The following FREM3 variants were observed in gnomAD, a reference collection of about 807,000 sequenced individuals.
FREM3 encodes the protein FRAS1 related extracellular matrix 3.
FREM3 carries 105 observed loss-of-function variants against 129.1 expected under a neutral mutation model. That is an observed-to-expected ratio of 0.81 (90% CI 0.69 to 0.96). The LOEUF is 0.96. FREM3 is among the 40% of genes least tolerant of loss of function. The pLI is 0.00. For synonymous variants in FREM3, 1,014 were observed against 1,044.9 expected (o/e 0.97, Z 0.57); for missense variants, 2,593 against 2,666.3 (o/e 0.97, Z 0.61).
At chr4:143,664,012 T>G (rs1305213878) in intron 2 of FREM3, among the ~76,000 whole-genome samples, 1 of 152,138 alleles carries the variant, frequency 6.6e-6, no homozygotes, top group Non-Finnish European at 1.5e-5. Context: ...GTTTTCAACT[T>G]CTTTGCCTTC....
At chr4:143,623,068 A>G (rs901881709) in intron 4 of FREM3, among the ~76,000 whole-genome samples, 4 of 152,208 alleles carry the variant, frequency 2.6e-5, no homozygotes, top group Non-Finnish European at 5.9e-5. Flanking sequence ...TACTTCTCAA[A>G]TTATGTTTTA....
At chr4:143,688,745 G>T (rs942356657) in intron 2 of FREM3, among the ~76,000 whole-genome samples, 1 of 152,034 alleles carries the variant, frequency 6.6e-6, no homozygotes, top group Non-Finnish European at 1.5e-5. Context: ...ACTGATCTTC[G>T]ACAAGGCAAA....
At position 143,585,753 on chromosome 4, in the gene FREM3, A is replaced by T. The variant is rs760712559; in HGVS notation, c.6178+91T>A. ...AGAAACTTTCATTCAGAGTCCATCAACAAAGACTAAGCATGCTTACACTTA... is the reference window on the plus strand; with the variant it reads ...AGAAACTTTCATTCAGAGTCCATCATCAAAGACTAAGCATGCTTACACTTA... On this transcript the variant is annotated intron_variant, in intron 7 of 7. Coordinates refer to ENST00000329798, the MANE Select transcript of FREM3 (RefSeq NM_001168235.2). The surrounding 1 kb of genome is among the most constrained non-coding windows in gnomAD (Gnocchi z 4.2). 4 of 1,314,280 alleles carry T rather than the reference A, an allele frequency of 3.0e-6. No homozygotes were observed. Among genetic ancestry groups the T allele is most frequent in the Non-Finnish European group, 3.1e-6 (3 of 975,850 alleles). 81.4% of individuals were successfully genotyped at this position (1,314,280 alleles called of 1,614,324 possible).
At chr4:143,695,382 C>A in intron 1 of FREM3, 109 bp downstream of exon 1, 2 of 959,996 alleles carry the variant, frequency 2.1e-6, no homozygotes, top group South Asian at 1.9e-5. Context: ...TTTATTAGAA[C>A]AAGAATCTTA....
intron 2 of FREM3, among the ~76,000 whole-genome samples, chr4:143,680,499 C>A (rs1020136370): frequency 6.6e-6 from 1 of 151,986 alleles, no homozygotes; most frequent in Non-Finnish European, 1.5e-5. Flanking sequence ...AGAAATATGT[C>A]GGGCATTTTG....
At chr4:143,645,578 T>C (rs1223743267) in intron 2 of FREM3, among the ~76,000 whole-genome samples, 2 of 152,202 alleles carry the variant, frequency 1.3e-5, no homozygotes, top group African/African-American at 4.8e-5. Context: ...GACTGAAACA[T>C]AGAAACCCTG....
At chr4:143,588,498 G>T (rs976892796) in intron 6 of FREM3, among the ~76,000 whole-genome samples, 5 of 151,630 alleles carry the variant, frequency 3.3e-5, no homozygotes, top group Non-Finnish European at 2.9e-5. Flanking sequence ...GCAGTGTTTG[G>T]TTTTTTCTCC....
At chr4:143,622,268 G>A (rs1010953147) in intron 4 of FREM3, among the ~76,000 whole-genome samples, 7 of 151,378 alleles carry the variant, frequency 4.6e-5, no homozygotes, top group Non-Finnish European at 8.8e-5. Flanking sequence ...TAAATTTTGT[G>A]TTTTTAGTTG....
rs918868829 is a variant in FREM3 at position 143,698,305 on chromosome 4, G to A, written c.2371C>T (p.Gln791Ter). ...NQHKVAYQPPQKLGIAPRVVQ... is the reference protein window; with the variant it reads ...NQHKVAYQPP ...ACCCGTGGTGCAATACCCAATTTCTGTGGAGGCTGGTAGGCAACTTTATGC... is the reference window on the plus strand; with the variant it reads ...ACCCGTGGTGCAATACCCAATTTCTATGGAGGCTGGTAGGCAACTTTATGC... Residue 791 changes from glutamine (Q) to a stop codon, truncating the protein, a stop_gained, in exon 1 of 8, where the codon CAG (glutamine) becomes TAG (stop). Transcript: ENST00000329798. LOFTEE classifies it high-confidence loss of function. The A allele has an allele frequency of 2.6e-6, 4 of 1,537,638 alleles. No individual in the cohort carries two copies. The African/African-American group carries it at 5.5e-5, about 21-fold the overall frequency.
At chr4:143,606,343 G>A (rs1381173462) in intron 6 of FREM3, among the ~76,000 whole-genome samples, 1 of 151,556 alleles carries the variant, frequency 6.6e-6, no homozygotes, top group African/African-American at 2.4e-5. Context: ...TGGTACCTGT[G>A]AGATTACTAT....
intron 2 of FREM3, among the ~76,000 whole-genome samples, chr4:143,664,361 G>T (rs943966575): frequency 5.3e-5 from 8 of 152,148 alleles, no homozygotes; most frequent in Non-Finnish European, 7.4e-5. Context: ...TCCAGACCCT[G>T]TTTGCCTAGG....
Position 143,696,222 on chromosome 4 carries a change from G to C in FREM3, c.4454C>G (p.Ser1485Cys). 6.5e-7 allele frequency: 1 copy of C among 1,537,832 alleles called. No individual in the cohort carries two copies. The highest frequency in any genetic ancestry group is 8.7e-7 in the Non-Finnish European group (1 of 1,147,054). Reference sequence around the variant, plus strand: ...GCTAGCCAATTGAAGTTGAGTGAAAGAGGCAATGGGTTCCCCAGCATAGTC... The same window carrying C: ...GCTAGCCAATTGAAGTTGAGTGAAACAGGCAATGGGTTCCCCAGCATAGTC... ...SSDYAGEPIA[S>C]FTQLQLASNK... The change falls in exon 1 of 8, where the codon TCT becomes TGT. Residue 1485 changes from serine (S) to cysteine (C), a missense_variant. Ser to Cys is a moderately radical substitution (Grantham distance 112, BLOSUM62 -1). Transcript: ENST00000329798.
At chr4:143,645,603 C>A (rs1739399733) in intron 2 of FREM3, among the ~76,000 whole-genome samples, 1 of 152,206 alleles carries the variant, frequency 6.6e-6, no homozygotes, top group African/African-American at 2.4e-5. Context: ...ACTTTCCTGC[C>A]TGCTGGCTTG....
In FREM3 at chr4:143,663,082, C is replaced by A. The variant is rs561583933; in HGVS notation, c.5275+30031G>T. On this transcript the variant is annotated intron_variant, in intron 2 of 7. Coordinates refer to ENST00000329798, the MANE Select transcript of FREM3 (RefSeq NM_001168235.2). ...TTAATTGGAGCATTTAGTCCATTTACATTTAAAGTTAATATTGTTATGTCT... is the reference window on the plus strand; with the variant it reads ...TTAATTGGAGCATTTAGTCCATTTAAATTTAAAGTTAATATTGTTATGTCT... Among the ~76,000 whole-genome samples, 36 of 152,178 alleles carry A rather than the reference C, an allele frequency of 2.4e-4. No homozygotes were observed. The South Asian group carries it at 2.9e-3, about 12-fold the overall frequency.
chr4:143,613,354 C>T (rs1738793848), intron 5 of FREM3, among the ~76,000 whole-genome samples: 1 of 152,102 alleles, frequency 6.6e-6, no homozygotes, highest in Non-Finnish European at 1.5e-5. Context: ...TGCTTTGAAA[C>T]CTTATTATCT....
In FREM3 at chr4:143,693,126, A is replaced by G. The variant is rs1396154936; in HGVS notation, c.5262T>C (p.Ser1754=). 1.3e-5 allele frequency: 19 copies of G among 1,498,732 alleles called. No individual in the cohort carries two copies. The highest frequency in any genetic ancestry group is 1.7e-5 in the Non-Finnish European group (19 of 1,119,012). 92.8% of individuals were successfully genotyped at this position (1,498,732 alleles called of 1,614,324 possible). A position where few individuals can be genotyped will look rare whatever the true frequency, so the allele number is the denominator to read the frequency against. ...ATTATGACTTACCATTGTCTTCAAC[A>G]GAGAAATAGAAGATGTCCTTTGATG... ...SNASKDIFYF[S]VEDNGGNKLT... is the part of the protein sequence containing the mutation. The change falls in exon 2 of 8, where the codon TCT becomes TCC. Residue 1754 remains serine, a synonymous_variant. Transcript: ENST00000329798.
chr4:143,678,745 C>T (rs1365484860), intron 2 of FREM3, among the ~76,000 whole-genome samples: 2 of 151,940 alleles, frequency 1.3e-5, no homozygotes, highest in Non-Finnish European at 2.9e-5. Context: ...AGAAAAATGC[C>T]TTTTATTAGA....
chr4:143,676,922 G>T (rs1195479511), intron 2 of FREM3, among the ~76,000 whole-genome samples: 2 of 152,244 alleles, frequency 1.3e-5, no homozygotes, highest in East Asian at 3.9e-4. Flanking sequence ...AACATTCCAT[G>T]GTCATGAATA....
chr4:143,665,992 C>A (rs992720533), intron 2 of FREM3, among the ~76,000 whole-genome samples: 2 of 152,096 alleles, frequency 1.3e-5, no homozygotes, highest in African/African-American at 4.8e-5. Context: ...AGTAATCAGT[C>A]TAGCTTATCT....
Sources: allele counts gnomAD v4.1 joint callset (sites outside exome capture counted in the v4.1 genomes callset), GRCh38; gene constraint gnomAD v4.1.1; non-coding constraint Gnocchi (gnomAD v3.1); transcripts MANE v1.5; gene names NCBI Gene and HGNC (gene_info 2026-07-23, HGNC 2026-07-21).